PPARGC1B: variants seen among roughly 807,000 people sequenced by gnomAD.
The protein encoded by PPARGC1B is peroxisome proliferator-activated receptor gamma coactivator 1-beta.
A neutral mutation model predicts 101.6 loss-of-function variants in PPARGC1B; 34 were observed. That is an observed-to-expected ratio of 0.33 (90% CI 0.25 to 0.45). The LOEUF (loss-of-function observed/expected upper bound fraction) is 0.45. Among genes scored for constraint, PPARGC1B ranks in the 20% least tolerant of loss-of-function variants. PPARGC1B has a pLI of 1.00. For missense variants in PPARGC1B, 1,234 were observed against 1,317.6 expected (o/e 0.94, Z 0.98); for synonymous variants, 548 against 539.3 (o/e 1.02, Z -0.22).
Position 149,853,556 on chromosome 5 carries a change from A to G in PPARGC1B, c.*5998A>G, listed in dbSNP as rs1012575059. 1 of 152,260 alleles carries G rather than the reference A, an allele frequency of 6.6e-6. No individual in the cohort carries two copies. The highest frequency in any genetic ancestry group is 2.4e-5 in the African/African-American group (1 of 41,474). 9.4% of individuals were successfully genotyped at this position (152,260 alleles called of 1,614,324 possible). ...CTGGGTGGTCCGAATTCTGCCCTCA[A>G]GGCAAGATAAGAAGTTGGGTGTAAG... On this transcript the variant is annotated 3_prime_UTR_variant, in exon 12 of 12. Transcript: ENST00000309241. This position sits in a 1 kb window ranked among gnomAD's most constrained non-coding sequence, Gnocchi z 4.2.
At chr5:149,839,729 G>A (rs988886553) in intron 8 of PPARGC1B, among the ~76,000 whole-genome samples, 1 of 152,142 alleles carries the variant, frequency 6.6e-6, no homozygotes, top group Non-Finnish European at 1.5e-5. Flanking sequence ...AAAGCAAAAG[G>A]GCTTTTCTAC....
chr5:149,774,413 C>T (rs1386547972), intron 1 of PPARGC1B, among the ~76,000 whole-genome samples: 2 of 152,120 alleles, frequency 1.3e-5, no homozygotes, highest in Non-Finnish European at 2.9e-5. Context: ...ACAGGTAAGG[C>T]ATATAGCATT....
intron 3 of PPARGC1B, among the ~76,000 whole-genome samples, chr5:149,827,125 A>G (rs1056720452): frequency 2.6e-5 from 4 of 152,388 alleles, no homozygotes; most frequent in African/African-American, 9.6e-5. Flanking sequence ...GCTCTTTGGT[A>G]CTTTAGGGAT....
At chr5:149,760,129 T>C (rs1463093790) in intron 1 of PPARGC1B, among the ~76,000 whole-genome samples, 1 of 152,174 alleles carries the variant, frequency 6.6e-6, no homozygotes, top group African/African-American at 2.4e-5. Flanking sequence ...ACGCATACAC[T>C]GTGCCAGGCT....
At chr5:149,735,111 C>T (rs1339745560) in intron 1 of PPARGC1B, among the ~76,000 whole-genome samples, 1 of 152,208 alleles carries the variant, frequency 6.6e-6, no homozygotes, top group Non-Finnish European at 1.5e-5. Flanking sequence ...TCACTGGGTG[C>T]ATTTGCCCAT....
chr5:149,812,116 G>A (rs1392362345), intron 1 of PPARGC1B, among the ~76,000 whole-genome samples: 4 of 152,202 alleles, frequency 2.6e-5, no homozygotes, highest in East Asian at 1.9e-4. Flanking sequence ...GCCTGAACCC[G>A]GATGCTTCCG....
At chr5:149,828,561 G>A (rs1028046263) in intron 3 of PPARGC1B, among the ~76,000 whole-genome samples, 6 of 152,204 alleles carry the variant, frequency 3.9e-5, no homozygotes, top group African/African-American at 1.4e-4. Context: ...TCTTCACGGG[G>A]CCTTTGGAGA....
At position 149,826,863 on chromosome 5, in the gene PPARGC1B, C is replaced by G; in HGVS notation, c.443C>G (p.Pro148Arg). The change falls in exon 3 of 12, where the codon CCT becomes CGT. Residue 148 changes from proline to arginine, a missense_variant. Physicochemically the swap from Pro to Arg is moderately radical, Grantham distance 103. This residue lies in a region of PPARGC1B where 734 missense variants were observed against 768.4 expected (regional missense o/e 0.96). Coordinates refer to ENST00000309241, the MANE Select transcript of PPARGC1B (RefSeq NM_133263.4). Reference protein sequence around the residue: ...PAPEKPSAPAPEVDELSLLQK... With the variant: ...PAPEKPSAPAREVDELSLLQK... ...CCGGAGAAGCCCTCGGCCCCAGCCCCTGAGGTGGACGAGCTCTCACTGGTA... is the reference window on the plus strand; with the variant it reads ...CCGGAGAAGCCCTCGGCCCCAGCCCGTGAGGTGGACGAGCTCTCACTGGTA... 6.2e-7 allele frequency: 1 copy of G among 1,612,438 alleles called. No individual in the cohort carries two copies. Among genetic ancestry groups the G allele is most frequent in the South Asian group, 1.1e-5 (1 of 90,964 alleles).
intron 1 of PPARGC1B, among the ~76,000 whole-genome samples, chr5:149,769,523 C>T (rs920882772): frequency 1.3e-5 from 2 of 152,190 alleles, no homozygotes; most frequent in African/African-American, 2.4e-5. Context: ...GGCTGAGAGA[C>T]ACCCCCTACT....
rs202133455 is a variant in PPARGC1B at position 149,809,289 on chromosome 5, CATAGATAGATAG to C, written c.79-11105_79-11094del. On this transcript the variant is annotated intron_variant, in intron 1 of 11. Transcript: ENST00000309241. ...GATAGATAGATAGATCCATCTCTAC[CATAGATAGATAG>C]ATAGATAGATAGATAGATAGATAGA... Among the ~76,000 whole-genome samples, 5 of 12,848 alleles carry C rather than the reference CATAGATAGATAG, an allele frequency of 3.9e-4. 1 individual carries two copies. Among genetic ancestry groups the C allele is most frequent in the Admixed American group, 2.1e-3 (2 of 938 alleles). 8.4% of individuals were successfully genotyped at this position (12,848 alleles called of 152,430 possible). A position where few individuals can be genotyped will look rare whatever the true frequency, so the allele number is the denominator to read the frequency against.
chr5:149,816,936 A>T (rs890492767), intron 1 of PPARGC1B, among the ~76,000 whole-genome samples: 1 of 152,134 alleles, frequency 6.6e-6, no homozygotes, highest in South Asian at 2.1e-4. Flanking sequence ...TCCTACCCCC[A>T]TCACACTTGG....
intron 1 of PPARGC1B, among the ~76,000 whole-genome samples, chr5:149,731,035 G>A (rs1754443122): frequency 6.6e-6 from 1 of 152,240 alleles, no homozygotes. Flanking sequence ...CTATCGGGCG[G>A]AGCCCCCTGG....
chr5:149,836,300 A>G lies in PPARGC1B; in HGVS notation c.1845A>G (p.Thr615=), dbSNP rs529670694. 60 of 1,607,620 alleles carry G rather than the reference A, an allele frequency of 3.7e-5. No homozygotes were observed. The highest frequency in any genetic ancestry group is 2.0e-4 in the Admixed American group (12 of 58,884). The change falls in exon 8 of 12, where the codon ACA becomes ACG. Residue 615 remains threonine, a synonymous_variant. Coordinates refer to ENST00000309241, the MANE Select transcript of PPARGC1B (RefSeq NM_133263.4). ...TPPTTPPYKP[T]EEDPFKPDIK... is the part of the protein sequence containing the mutation. ...CCACCACACCACCGTACAAGCCCACAGAGGAGGATCCCTTCAAACCAGACA... is the reference window on the plus strand; with the variant it reads ...CCACCACACCACCGTACAAGCCCACGGAGGAGGATCCCTTCAAACCAGACA...
chr5:149,816,009 C>T (rs1758039430), intron 1 of PPARGC1B, among the ~76,000 whole-genome samples: 1 of 152,176 alleles, frequency 6.6e-6, no homozygotes, highest in Non-Finnish European at 1.5e-5. Flanking sequence ...GTGCTTCAAC[C>T]TCCCAGCTCC....
chr5:149,835,113 G>A (rs1187819763), intron 6 of PPARGC1B, among the ~76,000 whole-genome samples, 188 bp from the exon 7 acceptor site: 1 of 152,210 alleles, frequency 6.6e-6, no homozygotes, highest in Non-Finnish European at 1.5e-5. Context: ...TAAAAGAGCT[G>A]TGCAGCTTGA....
rs1283290169 is a variant in PPARGC1B, at chr5:149,842,249, T to G, written c.2695-7T>G. ...CGGAGTCTCTCTCTGTCCTCCTTCT[T>G]GGGCAGGGGGAAGGCCGCGTGGTGT... On this transcript the variant is annotated splice_polypyrimidine_tract_variant and splice_region_variant and intron_variant, in intron 9 of 11. Transcript: ENST00000309241. 1.9e-6 allele frequency: 3 copies of G among 1,612,448 alleles called. No individual in the cohort carries two copies. Among genetic ancestry groups the G allele is most frequent in the Non-Finnish European group, 2.5e-6 (3 of 1,179,362 alleles).
At position 149,797,647 on chromosome 5, in the gene PPARGC1B, G is replaced by A. The variant is rs777522860; in HGVS notation, c.79-22786G>A. Among the ~76,000 whole-genome samples, 46 of 152,212 alleles carry A rather than the reference G, an allele frequency of 3.0e-4. No individual in the cohort carries two copies. In the Middle Eastern group the frequency reaches 0.014, roughly 45 times the overall value. On this transcript the variant is annotated intron_variant, in intron 1 of 11. Transcript: ENST00000309241. ...GCATTTAAAAATGTTTCGGCTGGGC[G>A]CGGTGGCTCACACCTGTAATCCCAA...
chr5:149,749,800 C>G (rs1450522217), intron 1 of PPARGC1B, among the ~76,000 whole-genome samples: 2 of 152,138 alleles, frequency 1.3e-5, no homozygotes, highest in Admixed American at 1.3e-4. Flanking sequence ...CTCTGCCATC[C>G]TGTGACTCAT....
intron 1 of PPARGC1B, among the ~76,000 whole-genome samples, chr5:149,799,697 T>G (rs1757366845): frequency 2.4e-5 from 3 of 126,396 alleles, no homozygotes; most frequent in African/African-American, 8.9e-5. Flanking sequence ...GTTGTTGTTT[T>G]TTTTTTTTTT....
Sources: gnomAD v4.1 joint callset for allele counts (sites outside exome capture counted in the v4.1 genomes callset) on GRCh38, gnomAD v4.1.1 for gene constraint, gnomAD v4.1.1 regional missense constraint, Gnocchi (gnomAD v3.1) non-coding constraint, MANE v1.5 for transcripts, NCBI Gene and HGNC (gene_info 2026-07-23, HGNC 2026-07-21) for gene names.